Variants in GRIK1 observed in about 807,000 individuals in gnomAD.
GRIK1 encodes the protein glutamate ionotropic receptor kainate type subunit 1.
GRIK1 carries 69 observed loss-of-function variants against 105.7 expected under a neutral mutation model. The observed-to-expected ratio is 0.65, with a 90% confidence interval of 0.54 to 0.80. GRIK1 has a LOEUF of 0.80. Ranked by LOEUF, GRIK1 falls within the 30% of genes least tolerant of loss-of-function variation. The pLI is 0.00. For synonymous variants in GRIK1, 438 were observed against 431.3 expected, an observed-to-expected ratio of 1.02 and a Z score of -0.19; for missense variants, 1,109 against 1,167.3, an observed-to-expected ratio of 0.95 and a Z score of 0.73.
intron 1 of GRIK1, among the ~76,000 whole-genome samples, chr21:29,920,010 A>G (rs1263493703): frequency 2.0e-5 from 3 of 152,142 alleles, no homozygotes; most frequent in Non-Finnish European, 4.4e-5. Context: ...AAACCATTAC[A>G]GGAACAAGGG....
chr21:29,709,861 T>G (rs1474177645), intron 1 of GRIK1, among the ~76,000 whole-genome samples: 1 of 151,970 alleles, frequency 6.6e-6, no homozygotes, highest in Non-Finnish European at 1.5e-5. Flanking sequence ...TATTTTGAGT[T>G]TTCTCATAAT....
intron 1 of GRIK1, among the ~76,000 whole-genome samples, chr21:29,928,940 C>A (rs1299227257): frequency 1.3e-5 from 2 of 152,126 alleles, no homozygotes; most frequent in African/African-American, 2.4e-5. Flanking sequence ...CCCACTGGGG[C>A]CACATCAAGG....
intron 1 of GRIK1, among the ~76,000 whole-genome samples, chr21:29,928,240 GT>G (rs1321578035): frequency 2.0e-5 from 3 of 152,156 alleles, no homozygotes; most frequent in African/African-American, 7.2e-5. Flanking sequence ...AATTTAAAAA[GT>G]TTATTGTTTT....
At chr21:29,692,562 T>C (rs2146725926) in intron 2 of GRIK1, among the ~76,000 whole-genome samples, 1 of 152,282 alleles carries the variant, frequency 6.6e-6, no homozygotes, top group South Asian at 2.1e-4. Flanking sequence ...ATAAAAATAT[T>C]ATGTTGTTAA....
chr21:29,646,953 C>G (rs1018552661), intron 6 of GRIK1, among the ~76,000 whole-genome samples: 1 of 151,866 alleles, frequency 6.6e-6, no homozygotes, highest in Non-Finnish European at 1.5e-5. Flanking sequence ...TCAAGCGATT[C>G]TCCTGCTTCA....
At chr21:29,849,979 G>A (rs2068254293) in intron 1 of GRIK1, among the ~76,000 whole-genome samples, 1 of 152,134 alleles carries the variant, frequency 6.6e-6, no homozygotes, top group African/African-American at 2.4e-5. Context: ...TCTCATATGT[G>A]TGTGGAGTGA....
intron 1 of GRIK1, among the ~76,000 whole-genome samples, chr21:29,780,992 C>A (rs1357456183): frequency 6.6e-6 from 1 of 152,094 alleles, no homozygotes; most frequent in Non-Finnish European, 1.5e-5. Context: ...TAACACATTC[C>A]CATCTGGAAT....
chr21:29,715,879 T>C (rs2064165148), intron 1 of GRIK1, among the ~76,000 whole-genome samples: 2 of 152,034 alleles, frequency 1.3e-5, no homozygotes, highest in Non-Finnish European at 2.9e-5. Flanking sequence ...AATACATTAC[T>C]TTACAAGATA....
chr21:29,622,678 C>T (rs1439455463), intron 7 of GRIK1, among the ~76,000 whole-genome samples: 1 of 152,178 alleles, frequency 6.6e-6, no homozygotes, highest in African/African-American at 2.4e-5. Flanking sequence ...TTCTAAAGGT[C>T]CCCTGTGGGA....
intron 1 of GRIK1, among the ~76,000 whole-genome samples, chr21:29,787,667 G>C (rs1244741426): frequency 6.6e-6 from 1 of 152,158 alleles, no homozygotes; most frequent in East Asian, 1.9e-4. Flanking sequence ...CCAACGAACA[G>C]TATTTAGAGA....
intron 1 of GRIK1, among the ~76,000 whole-genome samples, chr21:29,785,521 A>C (rs1336956909): frequency 2.1e-5 from 3 of 146,084 alleles, no homozygotes; most frequent in Admixed American, 1.4e-4. Flanking sequence ...CCAAGATTGC[A>C]TCACTGCACT....
intron 16 of GRIK1, among the ~76,000 whole-genome samples, chr21:29,550,107 C>CAAAAAAAAAAAAAAAAAAAAAAAAAA (rs34939329): frequency 1.9e-5 from 1 of 53,476 alleles, no homozygotes; most frequent in African/African-American, 8.5e-5. Flanking sequence ...GACTCCATCT[C>CAAAAAAAAAAAAAAAAAAAAAAAAAA]AAAAAAAAAA....
At chr21:29,743,986 T>C (rs1471009388) in intron 1 of GRIK1, among the ~76,000 whole-genome samples, 1 of 152,200 alleles carries the variant, frequency 6.6e-6, no homozygotes, top group East Asian at 1.9e-4. Context: ...GTACTAGGCT[T>C]ACCACCTGGG....
In GRIK1 at chr21:29,583,697, T is replaced by C. The variant is rs570837778; in HGVS notation, c.1794-2154A>G. Among the ~76,000 whole-genome samples, 21 of 152,336 alleles carry C rather than the reference T, an allele frequency of 1.4e-4. 1 individual carries two copies. In the South Asian group the frequency reaches 4.3e-3, roughly 32 times the overall value. Reference sequence around the variant, plus strand: ...CTGCTCTGCAGAGATATTTTAGGTCTTTCTCTCTGGGATTCTGAGTGATTT... The same window carrying C: ...CTGCTCTGCAGAGATATTTTAGGTCCTTCTCTCTGGGATTCTGAGTGATTT... On this transcript the variant is annotated intron_variant, in intron 12 of 17. Coordinates refer to ENST00000327783, the MANE Select transcript of GRIK1 (RefSeq NM_001330994.2).
chr21:29,922,853 G>A (rs1034750182), intron 1 of GRIK1, among the ~76,000 whole-genome samples: 1 of 152,122 alleles, frequency 6.6e-6, no homozygotes, highest in Non-Finnish European at 1.5e-5. Flanking sequence ...AGACAGAATT[G>A]CAGAACCTGT....
chr21:29,919,292 G>C (rs1313812999), intron 1 of GRIK1, among the ~76,000 whole-genome samples: 4 of 152,136 alleles, frequency 2.6e-5, no homozygotes, highest in African/African-American at 9.7e-5. Flanking sequence ...GAGGTAAGAG[G>C]CTGGTGAAGA....
chr21:29,555,262 T>C lies in GRIK1; in HGVS notation c.2397A>G (p.Gln799=), dbSNP rs1277127131. ...TATGCAGCTTCCCTTCTTCTTGGAG[T>C]TGAAGAATAGCAATAGTAATTTTAT... ...YRDKITIAIL[Q]LQEEGKLHMM... Residue 799 remains glutamine (Q), a synonymous_variant, in exon 16 of 18, where the codon CAA becomes CAG. Transcript: ENST00000327783. The C allele has an allele frequency of 1.2e-6, 2 of 1,613,030 alleles. No homozygotes were observed. The highest frequency in any genetic ancestry group is 1.7e-5 in the Admixed American group (1 of 59,990).
At chr21:29,647,886 C>T (rs964587102) in intron 6 of GRIK1, among the ~76,000 whole-genome samples, 6 of 152,224 alleles carry the variant, frequency 3.9e-5, no homozygotes, top group East Asian at 3.9e-4. Context: ...TTTTCAACTC[C>T]GTTGACTCAG....
intron 1 of GRIK1, among the ~76,000 whole-genome samples, chr21:29,731,436 C>A (rs1318736977): frequency 1.3e-5 from 2 of 152,164 alleles, no homozygotes; most frequent in African/African-American, 4.8e-5. Context: ...TCTTCAGGAT[C>A]ATACTGGTGA....
Sources: gnomAD v4.1 joint callset for allele counts (sites outside exome capture counted in the v4.1 genomes callset) on GRCh38, gnomAD v4.1.1 for gene constraint, MANE v1.5 for transcripts, NCBI Gene and HGNC (gene_info 2026-07-23, HGNC 2026-07-21) for gene names.